The following IL4R variants were observed in gnomAD, a reference collection of about 807,000 sequenced individuals.
The protein encoded by IL4R is interleukin 4 receptor, also known as interleukin-4 receptor subunit alpha.
In IL4R, 17 loss-of-function variants were observed where a neutral mutation model predicts 41.5. That is an observed-to-expected ratio of 0.41 (90% CI 0.28 to 0.61). IL4R has a LOEUF of 0.61. IL4R is among the 20% of genes least tolerant of loss of function. The probability of loss-of-function intolerance (pLI) is 0.31; values close to 1 mark genes in which losing one functional copy is unlikely to be tolerated. For missense variants in IL4R, 974 were observed against 1,043.1 expected (o/e 0.93, Z 0.91); for synonymous variants, 402 against 422.9 (o/e 0.95, Z 0.61).
intron 1 of IL4R, among the ~76,000 whole-genome samples, chr16:27,329,676 C>CAAAAAA: frequency 8.5e-6 from 1 of 118,146 alleles, no homozygotes; most frequent in Non-Finnish European, 1.8e-5. Flanking sequence ...ACCTCCGTCT[C>CAAAAAA]AAAAAAAAAA....
chr16:27,329,502 C>A (rs1224702891), intron 1 of IL4R, among the ~76,000 whole-genome samples: 1 of 151,750 alleles, frequency 6.6e-6, no homozygotes, highest in East Asian at 1.9e-4. Flanking sequence ...ATGGGGAAAC[C>A]CTGTCTCTAC....
At chr16:27,317,445 C>T (rs962178168) in intron 1 of IL4R, among the ~76,000 whole-genome samples, 1 of 152,152 alleles carries the variant, frequency 6.6e-6, no homozygotes, top group African/African-American at 2.4e-5. Context: ...ACAGTGGAGA[C>T]ATGCCCAGCC....
chr16:27,317,604 C>G (rs76320907), intron 1 of IL4R, among the ~76,000 whole-genome samples: 1 of 152,090 alleles, frequency 6.6e-6, no homozygotes, highest in African/African-American at 2.4e-5. Context: ...ACTGTCAGAC[C>G]GGGTGCATCA....
intron 2 of IL4R, among the ~76,000 whole-genome samples, chr16:27,332,513 G>A (rs1050976108): frequency 1.3e-5 from 2 of 152,028 alleles, no homozygotes; most frequent in African/African-American, 2.4e-5. Flanking sequence ...TTTGGGTGGG[G>A]ACACAGAGCC....
chr16:27,330,386 C>CAAA (rs71137792), intron 2 of IL4R, among the ~76,000 whole-genome samples, 188 bp downstream of exon 2: 5 of 123,940 alleles, frequency 4.0e-5, no homozygotes, highest in Admixed American at 1.7e-4. Context: ...GACTCCATCT[C>CAAA]AAAAAAAAAA....
chr16:27,324,587 A>C (rs1276052687), intron 1 of IL4R, among the ~76,000 whole-genome samples: 1 of 152,222 alleles, frequency 6.6e-6, no homozygotes, highest in Non-Finnish European at 1.5e-5. Flanking sequence ...AATATGCCAC[A>C]AAGATTGCAG....
intron 6 of IL4R, 102 bp downstream of exon 6, chr16:27,346,720 C>T (rs1596831233): frequency 1.5e-6 from 2 of 1,310,174 alleles, no homozygotes; most frequent in Non-Finnish European, 2.2e-6. Context: ...GAGGCAAGCC[C>T]TGGGGCTGGA....
chr16:27,323,389 A>C (rs1197092872), intron 1 of IL4R, among the ~76,000 whole-genome samples: 7 of 152,106 alleles, frequency 4.6e-5, no homozygotes, highest in African/African-American at 1.7e-4. Context: ...TATCTTCCAT[A>C]GTGAGCTTTC....
rs147547377 is a variant in IL4R, at chr16:27,352,625, G to A, written c.599G>A (p.Arg200Gln). Residue 200 changes from arginine (R) to glutamine (Q), a missense_variant, in exon 7 of 11, where the codon CGG (arginine) becomes CAG (glutamine). By Grantham distance (43) the Arg-to-Gln change is conservative (BLOSUM62 1). Coordinates refer to ENST00000395762, the MANE Select transcript of IL4R (RefSeq NM_000418.4). ...TLKSGISYRA[R>Q]VRAWAQCYNT... is the part of the protein sequence containing the mutation. ...AAGTCTGGGATTTCCTACAGGGCAC[G>A]GGTGAGGGCCTGGGCTCAGTGCTAT... 7.1e-5 allele frequency: 114 copies of A among 1,614,184 alleles called. 1 individual carries two copies. In the East Asian group the frequency reaches 1.9e-3, roughly 27 times the overall value.
intron 1 of IL4R, among the ~76,000 whole-genome samples, chr16:27,324,162 G>A (rs1438565674): frequency 2.0e-5 from 3 of 152,206 alleles, no homozygotes; most frequent in South Asian, 2.1e-4. Context: ...AGCCATAGCT[G>A]TCACTAAGAC....
intron 2 of IL4R, among the ~76,000 whole-genome samples, chr16:27,337,735 A>G (rs1252696911): frequency 6.7e-6 from 1 of 149,710 alleles, no homozygotes; most frequent in African/African-American, 2.5e-5. Flanking sequence ...ACGCGCCACT[A>G]CCGCCCGGCT....
At chr16:27,357,424 C>T (rs3024650) in intron 8 of IL4R, among the ~76,000 whole-genome samples, 1,591 of 152,216 alleles carry the variant, frequency 0.01, 32 homozygotes, top group African/African-American at 0.036. Context: ...GGACAACAGG[C>T]GCTTGCCACC....
chr16:27,353,908 C>T (rs2085963183), intron 7 of IL4R, among the ~76,000 whole-genome samples: 1 of 152,196 alleles, frequency 6.6e-6, no homozygotes, highest in Non-Finnish European at 1.5e-5. Context: ...CTACCTGCAG[C>T]CATGTTGGTC....
At chr16:27,315,735 A>G (rs1460006459) in intron 1 of IL4R, among the ~76,000 whole-genome samples, 3 of 152,220 alleles carry the variant, frequency 2.0e-5, no homozygotes, top group Non-Finnish European at 4.4e-5. Flanking sequence ...AAAGCCTTGA[A>G]TGCCATGCCA....
At chr16:27,353,491 A>T (rs1321446473) in intron 7 of IL4R, among the ~76,000 whole-genome samples, 4 of 152,198 alleles carry the variant, frequency 2.6e-5, no homozygotes, top group Non-Finnish European at 4.4e-5. Flanking sequence ...GCTCGCATAA[A>T]TACTGTAATT....
chr16:27,328,536 G>A (rs2085026798), intron 1 of IL4R, among the ~76,000 whole-genome samples: 1 of 152,128 alleles, frequency 6.6e-6, no homozygotes, highest in South Asian at 2.1e-4. Context: ...ACTGTGCCCA[G>A]CCTATTATTG....
rs1455395158 is a variant in IL4R, at chr16:27,345,852, A to T, written c.362-615A>T. On this transcript the variant is annotated intron_variant, in intron 5 of 10. Transcript: ENST00000395762. The surrounding 1 kb of genome is among the most constrained non-coding windows in gnomAD (Gnocchi z 4.5). The stretch of plus-strand genomic sequence containing the variant: ...TCTGGCATGGTGGCAGGCGCCTGTA[A>T]TCCCAGCTACTTGGGAGGCTGAGGT... Among the ~76,000 whole-genome samples, 1 of 152,144 alleles carries T rather than the reference A, an allele frequency of 6.6e-6. No homozygotes were observed. The highest frequency in any genetic ancestry group is 1.5e-5 in the Non-Finnish European group (1 of 68,022).
intron 7 of IL4R, chr16:27,355,334 G>T (rs2086023560): frequency 3.4e-6 from 1 of 294,828 alleles, no homozygotes; most frequent in Non-Finnish European, 6.9e-6. Flanking sequence ...TGAGATGATG[G>T]CAGCTAATGA....
At chr16:27,338,787 G>A (rs1185285969) in intron 2 of IL4R, among the ~76,000 whole-genome samples, 2 of 152,056 alleles carry the variant, frequency 1.3e-5, no homozygotes, top group Admixed American at 6.6e-5. Context: ...ACCAGATCTG[G>A]ATCTCCTAGT....
Sources: allele counts gnomAD v4.1 joint callset (sites outside exome capture counted in the v4.1 genomes callset), GRCh38; gene constraint gnomAD v4.1.1; non-coding constraint Gnocchi (gnomAD v3.1); transcripts MANE v1.5; gene names NCBI Gene and HGNC (gene_info 2026-07-23, HGNC 2026-07-21).